Variants in CD109 observed in about 807,000 individuals in gnomAD.
CD109 encodes CD109 antigen.
A neutral mutation model predicts 165.8 loss-of-function variants in CD109; 149 were observed. The ratio of observed to expected loss-of-function variants is 0.90; its 90% CI spans 0.79 to 1.03. CD109 has a LOEUF of 1.03. Ranked by LOEUF, CD109 falls within the 50% of genes least tolerant of loss-of-function variation. The pLI is 0.00. For missense variants in CD109, 1,712 were observed against 1,677.8 expected (o/e 1.02, Z -0.36); for synonymous variants, 585 against 592.1 (o/e 0.99, Z 0.18).
At chr6:73,803,689 T>TTGTG (rs71000156) in intron 24 of CD109, among the ~76,000 whole-genome samples, 24,506 of 149,398 alleles carry the variant, frequency 0.16, 2,455 homozygotes, top group East Asian at 0.43. Context: ...TAGTTTAAGT[T>TTGTG]TGTGTGTGTG....
chr6:73,816,642 G>A (rs191732315), intron 30 of CD109, among the ~76,000 whole-genome samples: 13 of 152,244 alleles, frequency 8.5e-5, no homozygotes, highest in East Asian at 1.9e-4. Context: ...TGTGTCAGGC[G>A]TGGGAATATA....
At chr6:73,709,362 C>G (rs1474662506) in intron 2 of CD109, among the ~76,000 whole-genome samples, 29 of 152,106 alleles carry the variant, frequency 1.9e-4, no homozygotes. Flanking sequence ...TGGTCTATAT[C>G]TCTGTTTTGG....
At chr6:73,784,395 A>T (rs1774616374) in intron 19 of CD109, among the ~76,000 whole-genome samples, 2 of 152,200 alleles carry the variant, frequency 1.3e-5, no homozygotes. Context: ...TTTATATAGA[A>T]ATTGGAATTA....
chr6:73,814,176 G>A (rs1469543857), intron 29 of CD109, among the ~76,000 whole-genome samples: 1 of 152,116 alleles, frequency 6.6e-6, no homozygotes, highest in Non-Finnish European at 1.5e-5. Flanking sequence ...GTGTATGTGT[G>A]TGCACGTGTG....
chr6:73,738,814 G>C (rs538133853), intron 5 of CD109, among the ~76,000 whole-genome samples: 1 of 152,280 alleles, frequency 6.6e-6, no homozygotes, highest in African/African-American at 2.4e-5. Flanking sequence ...TCTCATTCTA[G>C]AGCCTTTCAT....
Position 73,785,410 on chromosome 6 carries a change from CTG to C in CD109, c.2272_2273del (p.Val758TyrfsTer4). ...TTCATTTTTTTGAATCTTCCCTACT[CTG>C]TTATCAGAGGTGAAGAATTTGCTTT... On this transcript the variant is annotated frameshift_variant, in exon 20 of 33. Transcript: ENST00000287097. LOFTEE classifies it high-confidence loss of function. The C allele has an allele frequency of 6.2e-7, 1 of 1,609,878 alleles. No homozygotes were observed. The highest frequency in any genetic ancestry group is 8.5e-7 in the Non-Finnish European group (1 of 1,178,000).
At position 73,818,728 on chromosome 6, in the gene CD109, G is replaced by A. The variant is rs552179682; in HGVS notation, c.4059+193G>A. On this transcript the variant is annotated intron_variant, in intron 31 of 32. Coordinates refer to ENST00000287097, the MANE Select transcript of CD109 (RefSeq NM_133493.5). ...AAGTATAAAATCAGTTTAGAGAGTT[G>A]CTATTAATGACGAGCCTGATGAAGG... is the stretch of plus-strand genomic sequence containing the variant. Among the ~76,000 whole-genome samples, 823 of 152,260 alleles carry A rather than the reference G, an allele frequency of 5.4e-3. 12 individuals are homozygous for A. Among genetic ancestry groups the A allele is most frequent in the African/African-American group, 0.019 (776 of 41,562 alleles).
intron 10 of CD109, among the ~76,000 whole-genome samples, chr6:73,764,708 C>T (rs1454336467): frequency 6.7e-6 from 1 of 150,176 alleles, no homozygotes; most frequent in Non-Finnish European, 1.5e-5. Flanking sequence ...TCCAACTACT[C>T]GGGAGGCTGA....
At chr6:73,736,798 AT>A (rs1772563183) in intron 5 of CD109, among the ~76,000 whole-genome samples, 1 of 152,214 alleles carries the variant, frequency 6.6e-6, no homozygotes, top group Non-Finnish European at 1.5e-5. Context: ...TTCATGCATT[AT>A]TTTAAAACTA....
At chr6:73,804,524 C>T (rs182321415) in intron 24 of CD109, among the ~76,000 whole-genome samples, 144 of 152,210 alleles carry the variant, frequency 9.5e-4, no homozygotes, top group Non-Finnish European at 1.8e-3. Flanking sequence ...TTTTAAAACC[C>T]GCTCTTAGGT....
chr6:73,810,955 A>G, intron 27 of CD109, 37 bp from the exon 28 acceptor site: 1 of 1,589,846 alleles, frequency 6.3e-7, no homozygotes, highest in East Asian at 2.2e-5. Context: ...ACCTTGATAT[A>G]TACTTATATG....
chr6:73,681,966 T>C, the CD109 span, among the ~76,000 whole-genome samples: 1 of 152,056 alleles, frequency 6.6e-6, no homozygotes, highest in Admixed American at 6.6e-5. Flanking sequence ...GAGAACAGCA[T>C]GGGAAAGATC....
Position 73,756,683 on chromosome 6 carries a change from G to T in CD109, c.673+1G>T. 1.3e-6 allele frequency: 2 copies of T among 1,538,630 alleles called. No homozygotes were observed. The highest frequency in any genetic ancestry group is 1.8e-6 in the Non-Finnish European group (2 of 1,139,328). On this transcript the variant is annotated splice_donor_variant, in intron 6 of 32. Transcript: ENST00000287097. LOFTEE classifies it high-confidence loss of function. The stretch of plus-strand genomic sequence containing the variant: ...CAATCATTTCAGGTTTCAGAATATG[G>T]TAAGAGTTCCTCAATCTATTTTGGA...
intron 5 of CD109, among the ~76,000 whole-genome samples, chr6:73,747,279 A>G (rs75202248): frequency 0.029 from 4,341 of 152,282 alleles, 219 homozygotes; most frequent in African/African-American, 0.098. Flanking sequence ...ATAGAGAAGT[A>G]CTGTACTTTA....
At chr6:73,792,365 C>A (rs1271277589) in intron 22 of CD109, among the ~76,000 whole-genome samples, 1 of 152,004 alleles carries the variant, frequency 6.6e-6, no homozygotes, top group Non-Finnish European at 1.5e-5. Flanking sequence ...TATTTTTTGC[C>A]TAATTTATGC....
chr6:73,782,996 C>G (rs1314891854), intron 18 of CD109, among the ~76,000 whole-genome samples: 1 of 136,466 alleles, frequency 7.3e-6, no homozygotes, highest in Non-Finnish European at 1.6e-5. Context: ...TTTTTTTTAA[C>G]TGAAGGGTGA....
chr6:73,741,862 G>T lies in CD109; in HGVS notation c.633+5354G>T, dbSNP rs187365397. Among the ~76,000 whole-genome samples the T allele has an allele frequency of 4.6e-5, 7 of 152,140 alleles. No homozygotes were observed. In the East Asian group the frequency reaches 1.4e-3, roughly 29 times the overall value. On this transcript the variant is annotated intron_variant, in intron 5 of 32. Transcript: ENST00000287097. ...ATTTTTGTATTTTTAGTAGAGATGG[G>T]GTTTCACCATGTTGGTCAGGCTGGG...
chr6:73,761,322 C>T (rs1476414167), intron 7 of CD109, among the ~76,000 whole-genome samples: 3 of 152,068 alleles, frequency 2.0e-5, no homozygotes, highest in African/African-American at 7.2e-5. Context: ...GTCCAGATTT[C>T]TAGGAGTGAA....
upstream of CD109, chr6:73,694,942 AC>A (rs1770767097): frequency 6.6e-6 from 1 of 152,296 alleles, no homozygotes. Flanking sequence ...GAAGGAAAGG[AC>A]ATAAGGACCT....
Sources: allele counts gnomAD v4.1 joint callset (sites outside exome capture counted in the v4.1 genomes callset), GRCh38; gene constraint gnomAD v4.1.1; transcripts MANE v1.5; gene names NCBI Gene and HGNC (gene_info 2026-07-23, HGNC 2026-07-21).